Variants in LHFPL7 observed in about 807,000 individuals in gnomAD.
LHFPL7 encodes the protein LHFPL tetraspan subfamily member 7.
the LHFPL7 span, among the ~76,000 whole-genome samples, chr22:24,946,091 C>T: frequency 1.3e-5 from 2 of 152,200 alleles, no homozygotes; most frequent in African/African-American, 2.4e-5. Flanking sequence ...GGGAGGATCA[C>T]GTGAGGTCAG....
At chr22:24,941,408 T>C in the LHFPL7 span, among the ~76,000 whole-genome samples, 1 of 151,974 alleles carries the variant, frequency 6.6e-6, no homozygotes. Context: ...ATTCTGCGTC[T>C]TACTTTTGGA....
the LHFPL7 span, among the ~76,000 whole-genome samples, chr22:24,942,902 T>A: frequency 3.7e-4 from 55 of 146,820 alleles, no homozygotes; most frequent in African/African-American, 1.3e-3. Context: ...AGTGTGTGTG[T>A]GTGTGTGTGT....
chr22:24,941,942 C>T, the LHFPL7 span, among the ~76,000 whole-genome samples: 152 of 148,136 alleles, frequency 1.0e-3, no homozygotes, highest in Non-Finnish European at 1.7e-3. Context: ...TGGGATTACA[C>T]GCGTGAGCCA....
the LHFPL7 span, among the ~76,000 whole-genome samples, chr22:24,940,686 T>TTC: frequency 1.4e-4 from 2 of 14,538 alleles, no homozygotes; most frequent in Non-Finnish European, 2.8e-4. Context: ...TCCTTCCTTC[T>TTC]CTCTCCCTCC....
chr22:24,942,365 C>T, the LHFPL7 span, among the ~76,000 whole-genome samples: 2 of 152,210 alleles, frequency 1.3e-5, no homozygotes, highest in East Asian at 1.9e-4. Flanking sequence ...CATGGTTTCA[C>T]GGCATGGCTG....
the LHFPL7 span, among the ~76,000 whole-genome samples, chr22:24,945,538 CTTTTG>C: frequency 6.6e-5 from 10 of 152,198 alleles, no homozygotes; most frequent in Non-Finnish European, 1.5e-4. Context: ...GCCTCTAGGG[CTTTTG>C]ACCTGGGACG....
chr22:24,944,867 T>C, the LHFPL7 span, among the ~76,000 whole-genome samples: 122 of 152,040 alleles, frequency 8.0e-4, no homozygotes, highest in Admixed American at 7.2e-3. Context: ...TGGAGTACAA[T>C]GGCGCGATCT....
At chr22:24,938,290 G>T in the LHFPL7 span, 1 of 1,612,884 alleles carries the variant, frequency 6.2e-7, no homozygotes, top group Non-Finnish European at 8.5e-7. Flanking sequence ...GCTGAGACCT[G>T]CAGGGAAGAG....
At chr22:24,939,276 GC>G in the LHFPL7 span, 1 of 700,558 alleles carries the variant, frequency 1.4e-6, no homozygotes, top group Non-Finnish European at 2.6e-6. Context: ...CAGCTTTCCT[GC>G]CTTAATGAGT....
chr22:24,945,100 G>A, the LHFPL7 span, among the ~76,000 whole-genome samples: 2 of 152,108 alleles, frequency 1.3e-5, no homozygotes, highest in Admixed American at 6.6e-5. Context: ...GAGCCACCGC[G>A]CCTGGCCGCC....
chr22:24,938,059 C>T, the LHFPL7 span: 138 of 1,357,906 alleles, frequency 1.0e-4, no homozygotes, highest in East Asian at 2.8e-3. Context: ...AGGCCAGGCT[C>T]TGCTCACAGA....
chr22:24,935,328 G>T, the LHFPL7 span: 1 of 1,610,654 alleles, frequency 6.2e-7, no homozygotes. Context: ...ACTCCCAGGA[G>T]ATTTTTATTT....
At chr22:24,943,770 C>T in the LHFPL7 span, among the ~76,000 whole-genome samples, 1 of 152,190 alleles carries the variant, frequency 6.6e-6, no homozygotes, top group Non-Finnish European at 1.5e-5. Flanking sequence ...GCATGGTCAG[C>T]TCTCATGCCT....
the LHFPL7 span, among the ~76,000 whole-genome samples, chr22:24,946,234 C>T: frequency 1.3e-5 from 2 of 151,786 alleles, no homozygotes; most frequent in African/African-American, 2.4e-5. Context: ...CACTTGAACC[C>T]GGAAGGCGGA....
chr22:24,940,688 T>TTC, the LHFPL7 span, among the ~76,000 whole-genome samples: 4 of 64,650 alleles, frequency 6.2e-5, no homozygotes, highest in Admixed American at 1.8e-4. Context: ...CTTCCTTCTC[T>TTC]CTCCCTCCCT....
the LHFPL7 span, chr22:24,935,596 C>G: frequency 1.9e-5 from 30 of 1,608,420 alleles, no homozygotes; most frequent in Non-Finnish European, 2.5e-5. Flanking sequence ...ATGGCAGTAG[C>G]TGGAGATAGC....
chr22:24,944,718 C>CTATTTATT, the LHFPL7 span, among the ~76,000 whole-genome samples: 6,305 of 149,036 alleles, frequency 0.042, 434 homozygotes, highest in African/African-American at 0.14. Flanking sequence ...ACATGCCTGG[C>CTATTTATT]TATTTATTTA....
the LHFPL7 span, among the ~76,000 whole-genome samples, chr22:24,936,481 T>A: frequency 6.6e-6 from 1 of 152,328 alleles, no homozygotes; most frequent in East Asian, 1.9e-4. Context: ...AGCTCACCCA[T>A]GCAGTCACGT....
At chr22:24,936,817 A>G in the LHFPL7 span, among the ~76,000 whole-genome samples, 1 of 151,966 alleles carries the variant, frequency 6.6e-6, no homozygotes, top group Non-Finnish European at 1.5e-5. Flanking sequence ...GGGCCCATCC[A>G]TGCACTGGGT....
Sources: gnomAD v4.1 joint callset for allele counts (sites outside exome capture counted in the v4.1 genomes callset) on GRCh38, gnomAD v4.1.1 for gene constraint, MANE v1.5 for transcripts, NCBI Gene and HGNC (gene_info 2026-07-23, HGNC 2026-07-21) for gene names.